The following SPG11 variants were observed in gnomAD, a reference collection of about 807,000 sequenced individuals.
The protein encoded by SPG11 is SPG11 vesicle trafficking associated, spatacsin.
SPG11 carries 222 observed loss-of-function variants against 274.0 expected under a neutral mutation model. The observed-to-expected ratio is 0.81, with a 90% confidence interval of 0.73 to 0.91. The LOEUF (loss-of-function observed/expected upper bound fraction) is 0.91, where lower values mean the gene tolerates loss of function less well. SPG11 is among the 40% of genes least tolerant of loss of function. The pLI, the probability that SPG11 is intolerant of heterozygous loss-of-function variation, is 0.00. For missense variants in SPG11, 3,114 were observed against 2,872.7 expected, an observed-to-expected ratio of 1.08 and a Z score of -1.92; for synonymous variants, 1,144 against 1,039.7, an observed-to-expected ratio of 1.10 and a Z score of -1.93.
chr15:44,627,320 G>A (rs1400460405), intron 10 of SPG11, among the ~76,000 whole-genome samples: 4 of 152,138 alleles, frequency 2.6e-5, no homozygotes, highest in African/African-American at 4.8e-5. Context: ...TCTTAACCTA[G>A]GGCTTTAAAG....
chr15:44,600,617 A>G lies in SPG11; in HGVS notation c.3536T>C (p.Leu1179Pro). The change falls in exon 21 of 40, where the codon CTC becomes CCC. Residue 1179 changes from leucine (L) to proline (P), a missense_variant. Transcript: ENST00000261866. ...CAGGTCAGGGCTAGAGAAATGTGGGAGATGACTCCATGCATCTAGGGGGAA... is the reference window on the plus strand; with the variant it reads ...CAGGTCAGGGCTAGAGAAATGTGGGGGATGACTCCATGCATCTAGGGGGAA... The part of the protein sequence containing the change: ...TLAIGDAWSH[L>P]PHFSSPDLVN... 1 of 1,614,094 alleles carries G rather than the reference A, an allele frequency of 6.2e-7. No homozygotes were observed. Among genetic ancestry groups the G allele is most frequent in the Non-Finnish European group, 8.5e-7 (1 of 1,179,960 alleles).
chr15:44,624,683 A>G (rs2083848483), intron 11 of SPG11, among the ~76,000 whole-genome samples: 1 of 152,118 alleles, frequency 6.6e-6, no homozygotes, highest in South Asian at 2.1e-4. Flanking sequence ...TTCTCACCAT[A>G]TAGACACACA....
rs577287904 is a variant in SPG11 at position 44,572,720 on chromosome 15, A to G, written c.6306T>C (p.Asp2102=). 6.2e-7 allele frequency: 1 copy of G among 1,614,074 alleles called. No homozygotes were observed. Among genetic ancestry groups the G allele is most frequent in the Non-Finnish European group, 8.5e-7 (1 of 1,180,022 alleles). Residue 2102 remains aspartate (D), a synonymous_variant, in exon 33 of 40, where the codon GAT becomes GAC. Coordinates refer to ENST00000261866, the MANE Select transcript of SPG11 (RefSeq NM_025137.4). ...DRTLVGMKLL[D]KISSVPHGEL... ...CCCCATGGGGAACGGAGGAAATCTT[A>G]TCCAACAACTTCATGCCTACCAATG...
rs758509284 is a variant in SPG11 at position 44,565,832 on chromosome 15, TAC to T, written c.6999+20_6999+21del. On this transcript the variant is annotated intron_variant, in intron 38 of 39. Coordinates refer to ENST00000261866, the MANE Select transcript of SPG11 (RefSeq NM_025137.4). ...GAGAGAGGATGCTAGCAGTGCTGGC[TAC>T]AGTTTGCTTTCTTGCTCACCTGGTA... is the stretch of plus-strand genomic sequence containing the variant. The T allele has an allele frequency of 3.7e-6, 6 of 1,613,880 alleles. No homozygotes were observed. The highest frequency in any genetic ancestry group is 5.1e-6 in the Non-Finnish European group (6 of 1,179,960).
chr15:44,653,411 G>A (rs142221208), intron 4 of SPG11, among the ~76,000 whole-genome samples: 140 of 152,226 alleles, frequency 9.2e-4, no homozygotes, highest in African/African-American at 3.3e-3. Flanking sequence ...ATGAGAAGAT[G>A]CATGAGAAAA....
intron 30 of SPG11, among the ~76,000 whole-genome samples, chr15:44,578,808 T>C (rs1013229520): frequency 6.6e-6 from 1 of 152,240 alleles, no homozygotes; most frequent in Non-Finnish European, 1.5e-5. Context: ...CTTCATAGGA[T>C]TTAAATAAGA....
chr15:44,570,761 G>A, intron 33 of SPG11, 103 bp from the exon 34 acceptor site: 1 of 1,461,382 alleles, frequency 6.8e-7, no homozygotes, highest in Non-Finnish European at 9.4e-7. Context: ...GAAGGGGCCT[G>A]TCTGGAGAGG....
chr15:44,573,826 GACAGACTCCACTGTATTCTGAGCTT>G (rs1263986001), intron 31 of SPG11, 81 bp from the exon 32 acceptor site: 5 of 1,286,106 alleles, frequency 3.9e-6, no homozygotes, highest in Middle Eastern at 3.8e-4. Flanking sequence ...ATCTGATGTG[GACAGACTCCACTGTATTCTGAGCTT>G]ACAGACTCCT....
intron 38 of SPG11, among the ~76,000 whole-genome samples, chr15:44,565,137 A>G (rs1395317800): frequency 6.6e-6 from 1 of 152,218 alleles, no homozygotes; most frequent in Non-Finnish European, 1.5e-5. Context: ...TGATTCCCTG[A>G]TAATCCACTT....
chr15:44,625,612 G>A (rs2083876520), intron 11 of SPG11, among the ~76,000 whole-genome samples: 1 of 152,158 alleles, frequency 6.6e-6, no homozygotes, highest in Admixed American at 6.5e-5. Flanking sequence ...TGTATAGCCT[G>A]TGGAACTGTG....
chr15:44,655,273 C>G (rs947949976), intron 4 of SPG11, among the ~76,000 whole-genome samples: 1 of 152,172 alleles, frequency 6.6e-6, no homozygotes, highest in African/African-American at 2.4e-5. Flanking sequence ...AAAATAATAA[C>G]AACATAATTT....
chr15:44,655,737 G>T (rs1004414835), intron 4 of SPG11, among the ~76,000 whole-genome samples: 2 of 152,142 alleles, frequency 1.3e-5, no homozygotes, highest in African/African-American at 4.8e-5. Flanking sequence ...AAAGTTACAT[G>T]TGGCATTTTG....
At chr15:44,573,396 T>G (rs181433621) in intron 32 of SPG11, 151 bp downstream of exon 32, 1 of 779,906 alleles carries the variant, frequency 1.3e-6, no homozygotes, top group East Asian at 2.7e-5. Context: ...AAAGCATGTA[T>G]TTTGTTTTAT....
At chr15:44,627,016 G>C (rs1014667623) in intron 10 of SPG11, among the ~76,000 whole-genome samples, 11 of 152,182 alleles carry the variant, frequency 7.2e-5, no homozygotes, top group Admixed American at 7.2e-4. Context: ...TGTAACTGGA[G>C]AGAGTAGCAG....
Position 44,566,212 on chromosome 15 carries a change from G to C in SPG11, c.6843+5C>G, listed in dbSNP as rs951896640. On this transcript the variant is annotated splice_donor_5th_base_variant and intron_variant, in intron 37 of 39. Coordinates refer to ENST00000261866, the MANE Select transcript of SPG11 (RefSeq NM_025137.4). Reference sequence around the variant, plus strand: ...AGGCCAGTCTGAAAAAAGCCTTTGGGTTACCTTGGCATAACTCTCTGCTGC... The same window carrying C: ...AGGCCAGTCTGAAAAAAGCCTTTGGCTTACCTTGGCATAACTCTCTGCTGC... The C allele has an allele frequency of 3.7e-6, 6 of 1,614,008 alleles. No individual in the cohort carries two copies. In the African/African-American group the frequency reaches 8.0e-5, roughly 22 times the overall value.
rs749287250 is a variant in SPG11, at chr15:44,565,948, A to G, written c.6905T>C (p.Ile2302Thr). The G allele has an allele frequency of 6.2e-7, 1 of 1,614,030 alleles. No individual in the cohort carries two copies. The highest frequency in any genetic ancestry group is 8.5e-7 in the Non-Finnish European group (1 of 1,180,020). The part of the protein sequence containing the change: ...QRLTKLITLQ[I>T]HFLNTGQNTM... ...GTTCTGGCCAGTGTTCAGAAAGTGA[A>G]TCTGCAGAGTTATCAACTTGGTGAG... The change falls in exon 38 of 40, where the codon ATT becomes ACT. Residue 2302 changes from isoleucine to threonine, a missense_variant. Physicochemically the swap from Ile to Thr is moderately conservative, Grantham distance 89. Coordinates refer to ENST00000261866, the MANE Select transcript of SPG11 (RefSeq NM_025137.4).
At chr15:44,575,437 G>T (rs1398159131) in intron 30 of SPG11, among the ~76,000 whole-genome samples, 3 of 151,640 alleles carry the variant, frequency 2.0e-5, no homozygotes, top group Admixed American at 6.6e-5. Context: ...GCATTCTGAG[G>T]AGCTGTTATC....
Position 44,626,438 on chromosome 15 carries a change from G to T in SPG11, c.2137C>A (p.His713Asn). The T allele has an allele frequency of 2.5e-6, 4 of 1,613,964 alleles. No individual in the cohort carries two copies. Among genetic ancestry groups the T allele is most frequent in the Non-Finnish European group, 3.4e-6 (4 of 1,179,958 alleles). The change falls in exon 11 of 40, where the codon CAT becomes AAT. Residue 713 changes from histidine (H) to asparagine (N), a missense_variant. Transcript: ENST00000261866. ...AGCTCCTCAAGTTTTTGAGCAGAAT[G>T]ACTATCAATCCTGAAGAAAGTCTGT... is the stretch of plus-strand genomic sequence containing the variant. ...EAQTFFRIDS[H>N]SAQKLEELIG...
intron 10 of SPG11, among the ~76,000 whole-genome samples, chr15:44,627,502 C>G (rs1489846767): frequency 2.0e-5 from 3 of 152,014 alleles, no homozygotes; most frequent in South Asian, 2.1e-4. Flanking sequence ...ATAGACAGAG[C>G]CTTGCAGAAC....
Sources: gnomAD v4.1 joint callset for allele counts (sites outside exome capture counted in the v4.1 genomes callset) on GRCh38, gnomAD v4.1.1 for gene constraint, MANE v1.5 for transcripts, NCBI Gene and HGNC (gene_info 2026-07-23, HGNC 2026-07-21) for gene names.